The following GTF2F2 variants were observed in gnomAD, a reference collection of about 807,000 sequenced individuals.
The protein encoded by GTF2F2 is general transcription factor IIF subunit 2.
Under a neutral mutation model 42.2 loss-of-function variants are expected in GTF2F2, and 23 were observed. That is an observed-to-expected ratio of 0.55 (90% CI 0.39 to 0.77). GTF2F2 has a LOEUF of 0.77. Among genes scored for constraint, GTF2F2 ranks in the 30% least tolerant of loss-of-function variants. GTF2F2 has a pLI of 0.00. For missense variants in GTF2F2, 261 were observed against 287.2 expected, an observed-to-expected ratio of 0.91 and a Z score of 0.66; for synonymous variants, 105 against 100.8, an observed-to-expected ratio of 1.04 and a Z score of -0.25.
intron 4 of GTF2F2, among the ~76,000 whole-genome samples, chr13:45,180,450 A>G (rs1241290093): frequency 6.6e-6 from 1 of 152,076 alleles, no homozygotes; most frequent in African/African-American, 2.4e-5. Context: ...ATGTGTGTGT[A>G]TGTATGTGTA....
intron 5 of GTF2F2, among the ~76,000 whole-genome samples, chr13:45,242,280 T>TTTA (rs540752664): frequency 6.8e-6 from 1 of 146,284 alleles, no homozygotes; most frequent in African/African-American, 2.6e-5. Context: ...TTTTTTTTTT[T>TTTA]AACTTGACTT....
rs1361977359 is a variant in GTF2F2, at chr13:45,201,448, A to G, written c.305-5976A>G. On this transcript the variant is annotated intron_variant, in intron 4 of 7. Coordinates refer to ENST00000340473, the MANE Select transcript of GTF2F2 (RefSeq NM_004128.3). Reference sequence around the variant, plus strand: ...GAAGGCTAGCATTTTTATTTAGTGAAAGAGACCTAGAAGAGATCTCAGACA... The same window carrying G: ...GAAGGCTAGCATTTTTATTTAGTGAGAGAGACCTAGAAGAGATCTCAGACA... Among the ~76,000 whole-genome samples, 3 of 152,124 alleles carry G rather than the reference A, an allele frequency of 2.0e-5. No homozygotes were observed. In the East Asian group the frequency reaches 5.8e-4, roughly 29 times the overall value.
At chr13:45,200,740 C>CA (rs1225500734) in intron 4 of GTF2F2, among the ~76,000 whole-genome samples, 4 of 151,914 alleles carry the variant, frequency 2.6e-5, no homozygotes, top group Non-Finnish European at 5.9e-5. Flanking sequence ...GAACCACAGG[C>CA]AAAAAAACTT....
chr13:45,282,784 C>T (rs1356122224), intron 7 of GTF2F2, among the ~76,000 whole-genome samples: 3 of 152,154 alleles, frequency 2.0e-5, no homozygotes, highest in South Asian at 4.1e-4. Context: ...GGATTACAGG[C>T]GTGAGCCACC....
intron 5 of GTF2F2, among the ~76,000 whole-genome samples, chr13:45,242,613 A>G (rs1875375155): frequency 6.6e-6 from 1 of 152,136 alleles, no homozygotes; most frequent in East Asian, 1.9e-4. Context: ...GTTTAATTCC[A>G]TTGATAACAA....
intron 5 of GTF2F2, among the ~76,000 whole-genome samples, chr13:45,245,397 A>C (rs1453568613): frequency 2.6e-5 from 4 of 151,900 alleles, no homozygotes; most frequent in Non-Finnish European, 5.9e-5. Flanking sequence ...TGCACCCATC[A>C]CCCAAATAGT....
intron 4 of GTF2F2, among the ~76,000 whole-genome samples, chr13:45,175,798 G>C (rs1170064325): frequency 6.6e-6 from 1 of 151,976 alleles, no homozygotes; most frequent in African/African-American, 2.4e-5. Flanking sequence ...AATTGTGTGT[G>C]TTTTTAGTAG....
chr13:45,212,217 G>A (rs933869961), intron 5 of GTF2F2, among the ~76,000 whole-genome samples: 5 of 151,918 alleles, frequency 3.3e-5, no homozygotes, highest in African/African-American at 1.2e-4. Context: ...AATTTTTCAG[G>A]GCCTCCTTTT....
intron 7 of GTF2F2, among the ~76,000 whole-genome samples, chr13:45,277,820 G>A (rs1310716444): frequency 6.6e-6 from 1 of 152,080 alleles, no homozygotes; most frequent in East Asian, 1.9e-4. Context: ...AGCATATAGT[G>A]CATTTTCCTT....
At chr13:45,225,715 A>G (rs567674368) in intron 5 of GTF2F2, among the ~76,000 whole-genome samples, 6 of 152,292 alleles carry the variant, frequency 3.9e-5, no homozygotes, top group African/African-American at 1.4e-4. Flanking sequence ...TTTCCACCCA[A>G]GTACTTCTTT....
At chr13:45,214,029 G>T (rs898102016) in intron 5 of GTF2F2, among the ~76,000 whole-genome samples, 1 of 152,066 alleles carries the variant, frequency 6.6e-6, no homozygotes, top group Non-Finnish European at 1.5e-5. Context: ...TCAATGAGTC[G>T]CTTTTCTTTA....
Position 45,154,070 on chromosome 13 carries a change from C to T in GTF2F2, c.304+2239C>T, listed in dbSNP as rs148279703. ...ATGAGATTTAATAAGATCTGTTGAA[C>T]GTGTGAGGTTTTCTCTACTTTTGTG... On this transcript the variant is annotated intron_variant, in intron 4 of 7. Coordinates refer to ENST00000340473, the MANE Select transcript of GTF2F2 (RefSeq NM_004128.3). Among the ~76,000 whole-genome samples, 26 of 150,266 alleles carry T rather than the reference C, an allele frequency of 1.7e-4. No homozygotes were observed. The East Asian group carries it at 3.9e-3, about 23-fold the overall frequency.
chr13:45,196,439 A>G (rs142985420), intron 4 of GTF2F2, among the ~76,000 whole-genome samples: 7 of 152,312 alleles, frequency 4.6e-5, no homozygotes, highest in South Asian at 2.1e-4. Context: ...TTTTCTGTCA[A>G]TACAACTTTT....
intron 5 of GTF2F2, among the ~76,000 whole-genome samples, chr13:45,252,208 T>G (rs1017839004): frequency 6.6e-6 from 1 of 152,192 alleles, no homozygotes; most frequent in African/African-American, 2.4e-5. Context: ...AGTGGCACAG[T>G]CACAGCTCAC....
intron 2 of GTF2F2, among the ~76,000 whole-genome samples, chr13:45,142,719 TC>T (rs2138108376): frequency 6.6e-6 from 1 of 152,356 alleles, no homozygotes; most frequent in East Asian, 1.9e-4. Flanking sequence ...CTAGTTGGTC[TC>T]CTGGCTGTAT....
intron 6 of GTF2F2, among the ~76,000 whole-genome samples, chr13:45,263,276 A>G (rs1034842291): frequency 6.6e-6 from 1 of 151,058 alleles, no homozygotes; most frequent in East Asian, 2.0e-4. Context: ...CACCCAGGCT[A>G]GAGTGCAGTG....
intron 4 of GTF2F2, among the ~76,000 whole-genome samples, chr13:45,191,222 AAAAT>A (rs1270103703): frequency 1.9e-4 from 13 of 69,964 alleles, no homozygotes; most frequent in African/African-American, 7.5e-4. Flanking sequence ...ATACAAAAAA[AAAAT>A]ATATATATAT....
At chr13:45,212,058 G>A (rs1382129925) in intron 5 of GTF2F2, among the ~76,000 whole-genome samples, 1 of 152,118 alleles carries the variant, frequency 6.6e-6, no homozygotes, top group Non-Finnish European at 1.5e-5. Context: ...CAGTGTCGTG[G>A]AGGAAAGGCA....
At chr13:45,142,940 C>T (rs1448367622) in intron 2 of GTF2F2, among the ~76,000 whole-genome samples, 1 of 152,098 alleles carries the variant, frequency 6.6e-6, no homozygotes, top group Admixed American at 6.5e-5. Flanking sequence ...TGATAGATGT[C>T]TGTTGTTTAG....
Sources: allele counts gnomAD v4.1 joint callset (sites outside exome capture counted in the v4.1 genomes callset), GRCh38; gene constraint gnomAD v4.1.1; transcripts MANE v1.5; gene names NCBI Gene and HGNC (gene_info 2026-07-23, HGNC 2026-07-21).